The following USP32 variants were observed in gnomAD, a reference collection of about 807,000 sequenced individuals.
USP32 encodes ubiquitin specific peptidase 32.
Under a neutral mutation model 204.8 loss-of-function variants are expected in USP32, and 59 were observed. The observed-to-expected ratio is 0.29, with a 90% CI of 0.23 to 0.36. USP32 has a LOEUF of 0.36. USP32 is among the 10% of genes least tolerant of loss of function. The pLI, the probability that USP32 is intolerant of heterozygous loss-of-function variation, is 1.00. For missense variants in USP32, 1,160 were observed against 1,946.4 expected, an observed-to-expected ratio of 0.60 and a Z score of 7.60; for synonymous variants, 517 against 678.4, an observed-to-expected ratio of 0.76 and a Z score of 3.70.
chr17:60,288,482 A>T (rs201336325), intron 5 of USP32, 41 bp downstream of exon 5: 16 of 1,541,658 alleles, frequency 1.0e-5, no homozygotes, highest in Middle Eastern at 1.8e-4. Context: ...TTATATATAT[A>T]AAAAAAGGCA....
intron 7 of USP32, among the ~76,000 whole-genome samples, chr17:60,266,802 G>T (rs185764276): frequency 1.3e-5 from 2 of 151,888 alleles, no homozygotes; most frequent in Non-Finnish European, 2.9e-5. Flanking sequence ...CTATAGACAC[G>T]TGCCACCATG....
intron 1 of USP32, among the ~76,000 whole-genome samples, chr17:60,372,879 T>C (rs1288117297): frequency 1.4e-5 from 2 of 148,000 alleles, no homozygotes; most frequent in East Asian, 3.9e-4. Context: ...AAAAAAATGG[T>C]TCACCTAGGC....
In USP32 at chr17:60,204,151, C is replaced by T. The variant is rs2084761660; in HGVS notation, c.3249+1296G>A. Among the ~76,000 whole-genome samples, 4 of 152,002 alleles carry T rather than the reference C, an allele frequency of 2.6e-5. No homozygotes were observed. In the South Asian group the frequency reaches 8.3e-4, roughly 32 times the overall value. ...AGGAATTACGCACAACTTGATTTTC[C>T]TCAAGAACATTCTTGTATCCTCTAA... On this transcript the variant is annotated intron_variant, in intron 26 of 33. Transcript: ENST00000300896.
intron 9 of USP32, 84 bp downstream of exon 9, chr17:60,265,328 T>G: frequency 1.1e-6 from 1 of 920,210 alleles, no homozygotes; most frequent in Non-Finnish European, 1.7e-6. Flanking sequence ...GCCAAAGAGA[T>G]TCAAGCATGT....
intron 26 of USP32, among the ~76,000 whole-genome samples, chr17:60,199,207 T>G (rs890922791): frequency 6.6e-6 from 1 of 152,140 alleles, no homozygotes; most frequent in African/African-American, 2.4e-5. Context: ...TGATAGTGGT[T>G]GTTGGAGTGG....
rs193156713 is a variant in USP32, at chr17:60,204,080, A to G, written c.3249+1367T>C. 1.3e-3 allele frequency among the ~76,000 whole-genome samples: 200 copies of G among 152,262 alleles called. 1 individual carries two copies. Among genetic ancestry groups the G allele is most frequent in the African/African-American group, 4.5e-3 (187 of 41,564 alleles). On this transcript the variant is annotated intron_variant, in intron 26 of 33. Transcript: ENST00000300896. ...AAACCTTCCTTTTTCTTTTTTACCA[A>G]AGAGTCAACCTTTAATGCAATAGTT...
intron 11 of USP32, among the ~76,000 whole-genome samples, chr17:60,240,014 C>T (rs989682958): frequency 1.6e-4 from 24 of 152,214 alleles, no homozygotes; most frequent in African/African-American, 5.3e-4. Context: ...GGATTACAGG[C>T]GTGGGCCACC....
intron 26 of USP32, among the ~76,000 whole-genome samples, chr17:60,205,228 T>C (rs1184414609): frequency 3.9e-5 from 6 of 152,384 alleles, no homozygotes; most frequent in South Asian, 2.1e-4. Flanking sequence ...TGATCACTTA[T>C]ATTAGCATAT....
chr17:60,262,889 G>A (rs536998053), intron 9 of USP32, among the ~76,000 whole-genome samples: 2 of 152,004 alleles, frequency 1.3e-5, no homozygotes, highest in South Asian at 4.2e-4. Flanking sequence ...GAAATCTTCT[G>A]GACTTTCAAA....
At chr17:60,336,276 G>A (rs1375513798) in intron 2 of USP32, among the ~76,000 whole-genome samples, 1 of 142,586 alleles carries the variant, frequency 7.0e-6, no homozygotes. Context: ...ATTTGCTCTA[G>A]CTTAAAACTT....
chr17:60,259,620 T>C (rs1440087788), intron 9 of USP32, among the ~76,000 whole-genome samples: 1 of 152,190 alleles, frequency 6.6e-6, no homozygotes, highest in Non-Finnish European at 1.5e-5. Flanking sequence ...AAATGCATGA[T>C]AATAAATGAT....
chr17:60,397,608 C>T (rs1040145962), intron 1 of USP32, among the ~76,000 whole-genome samples: 5 of 152,090 alleles, frequency 3.3e-5, no homozygotes, highest in East Asian at 1.9e-4. Flanking sequence ...GTGATCCTCC[C>T]GCCTAGGCCT....
chr17:60,358,133 T>C (rs1410426313), intron 1 of USP32, among the ~76,000 whole-genome samples: 1 of 152,194 alleles, frequency 6.6e-6, no homozygotes, highest in Non-Finnish European at 1.5e-5. Flanking sequence ...TCCCATAGTA[T>C]TGTTTCTACT....
intron 1 of USP32, chr17:60,421,213 G>A (rs2090109454): frequency 3.5e-6 from 1 of 287,724 alleles, no homozygotes; most frequent in Admixed American, 6.5e-5. Flanking sequence ...CCATCTTGGA[G>A]GCGGATAAGT....
At chr17:60,327,896 T>C (rs577600565) in intron 2 of USP32, among the ~76,000 whole-genome samples, 3 of 152,344 alleles carry the variant, frequency 2.0e-5, no homozygotes, top group Admixed American at 6.5e-5. Flanking sequence ...GCTAGCTGCC[T>C]GCCACCTCAG....
chr17:60,283,912 A>AAT (rs1433260338), intron 5 of USP32, among the ~76,000 whole-genome samples: 2 of 152,220 alleles, frequency 1.3e-5, no homozygotes, highest in Non-Finnish European at 2.9e-5. Flanking sequence ...CCGAGAACAA[A>AAT]CTAGAGCGAA....
chr17:60,253,383 T>C (rs916339184), intron 10 of USP32, among the ~76,000 whole-genome samples: 1 of 151,884 alleles, frequency 6.6e-6, no homozygotes, highest in African/African-American at 2.4e-5. Context: ...CAACATGTGA[T>C]TGTTATTTTA....
intron 1 of USP32, among the ~76,000 whole-genome samples, chr17:60,388,325 T>C (rs555945899): frequency 6.5e-5 from 7 of 108,026 alleles, no homozygotes; most frequent in African/African-American, 2.4e-4. Flanking sequence ...CACACACACA[T>C]CGCCTTATAA....
At chr17:60,206,949 T>C in intron 25 of USP32, 72 bp downstream of exon 25, 8 of 1,539,882 alleles carry the variant, frequency 5.2e-6, no homozygotes, top group East Asian at 2.4e-5. Flanking sequence ...TGAACAAATA[T>C]AAAAAAGATG....
Sources: gnomAD v4.1 joint callset for allele counts (sites outside exome capture counted in the v4.1 genomes callset) on GRCh38, gnomAD v4.1.1 for gene constraint, MANE v1.5 for transcripts, NCBI Gene and HGNC (gene_info 2026-07-23, HGNC 2026-07-21) for gene names.